ZFYVE19: variants seen among roughly 807,000 people sequenced by gnomAD.
ZFYVE19 encodes the protein abscission/NoCut checkpoint regulator.
In ZFYVE19, 49 loss-of-function variants were observed where a neutral mutation model predicts 62.8. The ratio of observed to expected loss-of-function variants is 0.78; its 90% CI spans 0.62 to 0.99. The LOEUF (loss-of-function observed/expected upper bound fraction) is 0.99. Ranked by LOEUF, ZFYVE19 falls within the 50% of genes least tolerant of loss-of-function variation. ZFYVE19 has a pLI of 0.00. For synonymous variants in ZFYVE19, 242 were observed against 234.3 expected (o/e 1.03, Z -0.30); for missense variants, 630 against 601.9 (o/e 1.05, Z -0.49).
At chr15:40,807,955 G>A (rs888222039) in intron 1 of ZFYVE19, 87 bp downstream of exon 1, 3 of 1,477,168 alleles carry the variant, frequency 2.0e-6, no homozygotes, top group Admixed American at 3.8e-5. Flanking sequence ...TTGGTCTTAC[G>A]GCTCCTTTCC....
Position 40,810,177 on chromosome 15 carries a change from G to A in ZFYVE19, c.678G>A (p.Ala226=), listed in dbSNP as rs202088406. The change falls in exon 5 of 11, where the codon GCG becomes GCA. Residue 226 remains alanine, a synonymous_variant. Transcript: ENST00000355341. The stretch of plus-strand genomic sequence containing the variant: ...AGGAAATGGAGGCACGACTTGCAGC[G>A]TTGCAGGGCAGAGTTCTACCTTCTC... ...STQEMEARLA[A]LQGRVLPSQT... 2.9e-5 allele frequency: 47 copies of A among 1,614,178 alleles called. No homozygotes were observed. In the African/African-American group the frequency reaches 4.5e-4, roughly 16 times the overall value.
rs1426767390 is a variant in ZFYVE19 at position 40,807,554 on chromosome 15, G to A, written c.-36G>A. The A allele has an allele frequency of 6.2e-7, 1 of 1,606,884 alleles. No individual in the cohort carries two copies. Among genetic ancestry groups the A allele is most frequent in the Non-Finnish European group, 8.5e-7 (1 of 1,175,774 alleles). ...CCTCTGGGAATTGTGTTCTGGGTCA[G>A]GCTTGACTGACTCTGAGGGAGGCCG... On this transcript the variant is annotated 5_prime_UTR_variant, in exon 1 of 11. Coordinates refer to ENST00000355341, the MANE Select transcript of ZFYVE19 (RefSeq NM_001077268.2).
At chr15:40,812,502 C>T (rs1388131615) in intron 6 of ZFYVE19, among the ~76,000 whole-genome samples, 197 bp from the exon 7 acceptor site, 8 of 145,646 alleles carry the variant, frequency 5.5e-5, no homozygotes, top group African/African-American at 1.6e-4. Context: ...GCTGAGATTG[C>T]ACCACTGCAC....
At chr15:40,807,952 T>A (rs1273012825) in intron 1 of ZFYVE19, 84 bp downstream of exon 1, 1 of 1,486,098 alleles carries the variant, frequency 6.7e-7, no homozygotes, top group African/African-American at 1.4e-5. Context: ...GACTTGGTCT[T>A]ACGGCTCCTT....
chr15:40,812,615 GAAAA>G lies in ZFYVE19; in HGVS notation c.827-83_827-80del, dbSNP rs757043880. 2,364 of 944,550 alleles carry G rather than the reference GAAAA, an allele frequency of 2.5e-3. 15 individuals are homozygous for G. The highest frequency in any genetic ancestry group is 3.2e-3 in the Non-Finnish European group (2,033 of 634,114). The allele number at this position is 944,550 out of a possible 1,614,324, so 58.5% of individuals were successfully genotyped here. On this transcript the variant is annotated intron_variant, in intron 6 of 10. Transcript: ENST00000355341. ...AAAAAATTATTAAAGAAAAAGAAAA[GAAAA>G]GGTTGAGAAATGGGCTCATTGGCTT... is the stretch of plus-strand genomic sequence containing the variant.
intron 1 of ZFYVE19, chr15:40,808,277 G>C (rs1890343311): frequency 6.3e-7 from 1 of 1,597,442 alleles, no homozygotes; most frequent in Non-Finnish European, 8.5e-7. Context: ...CAGGTCGCTG[G>C]AGTTAGATTA....
At position 40,813,628 on chromosome 15, in the gene ZFYVE19, C is replaced by T. The variant is rs1388658648; in HGVS notation, c.1111-85C>T. 3 of 1,332,820 alleles carry T rather than the reference C, an allele frequency of 2.3e-6. No individual in the cohort carries two copies. The East Asian group carries it at 7.1e-5, about 32-fold the overall frequency. 82.6% of individuals were successfully genotyped at this position (1,332,820 alleles called of 1,614,324 possible). ...TAAAGAAAAAGATGAGTTTGAGAAGCTAAGTCCACAGTGCACAGAAATACT... is the reference window on the plus strand; with the variant it reads ...TAAAGAAAAAGATGAGTTTGAGAAGTTAAGTCCACAGTGCACAGAAATACT... On this transcript the variant is annotated intron_variant, in intron 8 of 10. Coordinates refer to ENST00000355341, the MANE Select transcript of ZFYVE19 (RefSeq NM_001077268.2).
At position 40,807,347 on chromosome 15, in the gene ZFYVE19, C is replaced by T. The variant is rs908506889; in HGVS notation, c.-243C>T. 3.7e-6 allele frequency: 6 copies of T among 1,614,150 alleles called. No individual in the cohort carries two copies. The highest frequency in any genetic ancestry group is 1.3e-5 in the African/African-American group (1 of 74,944). ...GGACCGCCAGACCTCTCAAGATCAGCCTTCCTCGCCACCGTTCTCACCTCT... is the reference window on the plus strand; with the variant it reads ...GGACCGCCAGACCTCTCAAGATCAGTCTTCCTCGCCACCGTTCTCACCTCT... On this transcript the variant is annotated 5_prime_UTR_variant, in exon 1 of 11. Coordinates refer to ENST00000355341, the MANE Select transcript of ZFYVE19 (RefSeq NM_001077268.2).
intron 2 of ZFYVE19, 71 bp from the exon 3 acceptor site, chr15:40,809,337 G>C: frequency 1.9e-6 from 3 of 1,613,860 alleles, no homozygotes; most frequent in Non-Finnish European, 2.5e-6. Context: ...GTCAGCCGAG[G>C]AAGTGTTTGG....
chr15:40,809,085 G>A, intron 1 of ZFYVE19, 34 bp from the exon 2 acceptor site: 2 of 1,609,844 alleles, frequency 1.2e-6, no homozygotes, highest in Non-Finnish European at 1.7e-6. Flanking sequence ...AGGGGCGGGT[G>A]AGAGGGGGAT....
chr15:40,810,126 A>G lies in ZFYVE19; in HGVS notation c.627A>G (p.Glu209=). The change falls in exon 5 of 11, where the codon GAA becomes GAG. Residue 209 remains glutamate, a synonymous_variant. Coordinates refer to ENST00000355341, the MANE Select transcript of ZFYVE19 (RefSeq NM_001077268.2). ...IEARLAALKD[E]RQGSIPSTQE... ...CACGGCTGGCTGCCCTAAAGGATGA[A>G]CGTCAGGGTTCCATCCCTTCCACCC... 6.2e-7 allele frequency: 1 copy of G among 1,614,124 alleles called. No individual in the cohort carries two copies. Among genetic ancestry groups the G allele is most frequent in the African/African-American group, 1.3e-5 (1 of 75,030 alleles).
In ZFYVE19 at chr15:40,807,252, G is replaced by C; in HGVS notation, c.-338G>C. On this transcript the variant is annotated 5_prime_UTR_variant, in exon 1 of 11. Transcript: ENST00000355341. The stretch of plus-strand genomic sequence containing the variant: ...TGCGGAGGGCATAGCGCCGACCCTC[G>C]CTCCCCGCCCAGGACCCGAATGAAC... The C allele has an allele frequency of 6.3e-7, 1 of 1,586,568 alleles. No individual in the cohort carries two copies. The highest frequency in any genetic ancestry group is 8.6e-7 in the Non-Finnish European group (1 of 1,166,944).
chr15:40,807,642 G>T lies in ZFYVE19; in HGVS notation c.53G>T (p.Cys18Phe). ...TTGCCGCCGCTGCCGTACGCTGGCT[G>T]CAGGAGAGCGTCCGGATTCCCTGCT... ...PPLPPLPYAG[C>F]RRASGFPALG... The change falls in exon 1 of 11, where the codon TGC (cysteine) becomes TTC (phenylalanine). Residue 18 changes from cysteine to phenylalanine, a missense_variant. Cys to Phe is a radical substitution (Grantham distance 205). Coordinates refer to ENST00000355341, the MANE Select transcript of ZFYVE19 (RefSeq NM_001077268.2). 4.3e-6 allele frequency: 7 copies of T among 1,612,944 alleles called. No homozygotes were observed. The highest frequency in any genetic ancestry group is 5.9e-6 in the Non-Finnish European group (7 of 1,179,800).
chr15:40,807,701 T>TGGGC lies in ZFYVE19; in HGVS notation c.115_116insCGGG (p.Gly39AlafsTer15), dbSNP rs1890297398. 4 of 1,597,080 alleles carry TGGGC rather than the reference T, an allele frequency of 2.5e-6. No homozygotes were observed. Among genetic ancestry groups the TGGGC allele is most frequent in the Non-Finnish European group, 3.4e-6 (4 of 1,172,620 alleles). ...CGGCGGGACAGTGCCAGTGGGCGTG[T>TGGGC]GGGGCGGGGCAGGGCAGGGAAGGGA... On this transcript the variant is annotated frameshift_variant, in exon 1 of 11. Coordinates refer to ENST00000355341, the MANE Select transcript of ZFYVE19 (RefSeq NM_001077268.2). LOFTEE classifies it high-confidence loss of function.
chr15:40,809,858 G>T lies in ZFYVE19; in HGVS notation c.459G>T (p.Val153=), dbSNP rs1304933573. Residue 153 remains valine, a synonymous_variant, in exon 4 of 11, where the codon GTG becomes GTT. Transcript: ENST00000355341. ...WSPPQNYKKR[V]AALEAKQKPS... ...CTATCTCATATCCTGCCAGGCGTGT[G>T]GCAGCCTTGGAAGCCAAGCAAAAGC... The T allele has an allele frequency of 6.2e-7, 1 of 1,614,054 alleles. No homozygotes were observed. The highest frequency in any genetic ancestry group is 8.5e-7 in the Non-Finnish European group (1 of 1,180,034).
intron 2 of ZFYVE19, 77 bp downstream of exon 2, chr15:40,809,317 T>C (rs1473527630): frequency 3.1e-6 from 5 of 1,613,484 alleles, no homozygotes; most frequent in African/African-American, 2.7e-5. Context: ...CTTTGTACTC[T>C]GTCGCGAGAG....
chr15:40,809,096 C>G (rs1463578580), intron 1 of ZFYVE19, 23 bp from the exon 2 acceptor site: 3 of 1,611,208 alleles, frequency 1.9e-6, no homozygotes, highest in South Asian at 2.2e-5. Flanking sequence ...AGAGGGGGAT[C>G]TCCCGCTTCA....
At chr15:40,808,286 T>A in intron 1 of ZFYVE19, 2 of 1,597,544 alleles carry the variant, frequency 1.3e-6, no homozygotes, top group Non-Finnish European at 1.7e-6. Context: ...GGAGTTAGAT[T>A]ACCACACTTC....
chr15:40,814,567 G>A lies in ZFYVE19; in HGVS notation c.*341G>A. Reference sequence around the variant, plus strand: ...GTCTAATAAAGTATGTTGATTCATTGGGCCCAGCATCTCATTTCTACAACC... The same window carrying A: ...GTCTAATAAAGTATGTTGATTCATTAGGCCCAGCATCTCATTTCTACAACC... On this transcript the variant is annotated 3_prime_UTR_variant, in exon 11 of 11. Coordinates refer to ENST00000355341, the MANE Select transcript of ZFYVE19 (RefSeq NM_001077268.2). The A allele has an allele frequency of 2.8e-6, 1 of 353,748 alleles. No individual in the cohort carries two copies. The highest frequency in any genetic ancestry group is 2.7e-5 in the South Asian group (1 of 37,440). The allele number at this position is 353,748 out of a possible 1,614,324, so 21.9% of individuals were successfully genotyped here. A position where few individuals can be genotyped will look rare whatever the true frequency, so the allele number is the denominator to read the frequency against.
Sources: allele counts gnomAD v4.1 joint callset (sites outside exome capture counted in the v4.1 genomes callset), GRCh38; gene constraint gnomAD v4.1.1; transcripts MANE v1.5; gene names NCBI Gene and HGNC (gene_info 2026-07-23, HGNC 2026-07-21).